Variants in TENM2 observed in about 807,000 individuals in gnomAD.
TENM2 encodes teneurin-2.
A neutral mutation model predicts 245.2 loss-of-function variants in TENM2; 52 were observed. That is an observed-to-expected ratio of 0.21 (90% CI 0.17 to 0.27). TENM2 has a LOEUF of 0.27. Among genes scored for constraint, TENM2 ranks in the 10% least tolerant of loss-of-function variants. TENM2 has a pLI of 1.00. For synonymous variants in TENM2, 1,363 were observed against 1,438.9 expected, an observed-to-expected ratio of 0.95 and a Z score of 1.19; for missense variants, 3,046 against 3,666.8, an observed-to-expected ratio of 0.83 and a Z score of 4.37.
the TENM2 span, among the ~76,000 whole-genome samples, chr5:167,267,142 A>T: frequency 3.3e-5 from 5 of 152,270 alleles, no homozygotes; most frequent in East Asian, 9.7e-4. Context: ...ATAGAATCTG[A>T]CTGACATTTG....
chr5:167,703,146 A>G (rs1383784212), intron 2 of TENM2, among the ~76,000 whole-genome samples: 3 of 152,196 alleles, frequency 2.0e-5, no homozygotes, highest in African/African-American at 7.2e-5. Context: ...TCCATATGCC[A>G]CAATTGCCTC....
intron 5 of TENM2, among the ~76,000 whole-genome samples, chr5:168,022,556 CG>C (rs1205483338): frequency 6.6e-6 from 1 of 152,176 alleles, no homozygotes; most frequent in African/African-American, 2.4e-5. Flanking sequence ...TTCTACCACT[CG>C]GGTTAAGTTT....
chr5:167,083,379 C>T, the TENM2 span, among the ~76,000 whole-genome samples: 198 of 152,208 alleles, frequency 1.3e-3, 1 homozygote, highest in South Asian at 2.1e-3. Flanking sequence ...ACTGCTTCAC[C>T]AACTGCTTGG....
chr5:167,427,764 AGGAAGGACG>A (rs1763947647), intron 2 of TENM2, among the ~76,000 whole-genome samples: 2 of 124,292 alleles, frequency 1.6e-5, no homozygotes, highest in Non-Finnish European at 3.4e-5. Flanking sequence ...AAGGGAAGGA[AGGAAGGACG>A]GGAAGGAAGG....
At chr5:167,291,027 G>A (rs1754603751) in intron 1 of TENM2, among the ~76,000 whole-genome samples, 1 of 152,148 alleles carries the variant, frequency 6.6e-6, no homozygotes, top group Non-Finnish European at 1.5e-5. Flanking sequence ...CTAGGAATAT[G>A]TCTATATTTT....
chr5:167,925,391 C>T (rs574928928), intron 3 of TENM2, among the ~76,000 whole-genome samples: 4 of 152,228 alleles, frequency 2.6e-5, no homozygotes, highest in South Asian at 2.1e-4. Flanking sequence ...GAAAGGGGCA[C>T]GAGGGAACTT....
intron 2 of TENM2, among the ~76,000 whole-genome samples, chr5:167,839,089 T>C (rs1769253993): frequency 1.3e-5 from 2 of 152,204 alleles, no homozygotes; most frequent in African/African-American, 2.4e-5. Context: ...GTATTGTCAT[T>C]GTTATGATTA....
the TENM2 span, among the ~76,000 whole-genome samples, chr5:167,045,352 G>T: frequency 6.6e-6 from 1 of 152,062 alleles, no homozygotes; most frequent in Non-Finnish European, 1.5e-5. Context: ...AAATGAGATG[G>T]TGTCTGTAAA....
At chr5:167,728,623 A>G (rs2150547919) in intron 2 of TENM2, 1 of 152,228 alleles carries the variant, frequency 6.6e-6, no homozygotes, top group African/African-American at 2.4e-5. Context: ...AAATGAATGA[A>G]TGAATGAATG....
intron 2 of TENM2, among the ~76,000 whole-genome samples, chr5:167,478,506 A>T (rs1767544727): frequency 6.6e-6 from 1 of 152,220 alleles, no homozygotes; most frequent in Non-Finnish European, 1.5e-5. Flanking sequence ...CTTCATTAAC[A>T]TATGATAACT....
intron 2 of TENM2, among the ~76,000 whole-genome samples, chr5:167,580,603 G>A (rs1035598470): frequency 5.3e-5 from 8 of 152,240 alleles, no homozygotes; most frequent in Admixed American, 3.9e-4. Context: ...TGCCAGAAAC[G>A]CTGTTACTGC....
chr5:167,088,512 A>G, the TENM2 span, among the ~76,000 whole-genome samples: 3 of 152,028 alleles, frequency 2.0e-5, no homozygotes, highest in Non-Finnish European at 4.4e-5. Flanking sequence ...TTGTAATCCC[A>G]GCTACTCAAG....
At chr5:167,557,107 G>A (rs1304250026) in intron 2 of TENM2, among the ~76,000 whole-genome samples, 2 of 152,200 alleles carry the variant, frequency 1.3e-5, no homozygotes, top group Non-Finnish European at 2.9e-5. Flanking sequence ...AAAAGCGTGT[G>A]TGCGTGTACA....
At chr5:167,105,563 G>T in the TENM2 span, among the ~76,000 whole-genome samples, 1 of 152,258 alleles carries the variant, frequency 6.6e-6, no homozygotes, top group African/African-American at 2.4e-5. Context: ...AAGTAATTAA[G>T]TGTTGTTAGG....
At chr5:167,731,200 GTTTT>G (rs11398245) in intron 2 of TENM2, among the ~76,000 whole-genome samples, 62 of 142,624 alleles carry the variant, frequency 4.3e-4, no homozygotes, top group African/African-American at 1.6e-3. Context: ...CCTCCAGACA[GTTTT>G]TTTTTTTTTT....
chr5:167,390,136 T>G (rs1761667712), intron 2 of TENM2, among the ~76,000 whole-genome samples: 2 of 152,198 alleles, frequency 1.3e-5, no homozygotes, highest in Admixed American at 1.3e-4. Context: ...GCATGCGACT[T>G]ATTTTCTGTG....
intron 12 of TENM2, among the ~76,000 whole-genome samples, chr5:168,142,765 C>T (rs1000072270): frequency 6.6e-6 from 1 of 152,198 alleles, no homozygotes; most frequent in Non-Finnish European, 1.5e-5. Flanking sequence ...CTGACAGAGG[C>T]AACTCCTTTG....
chr5:167,856,600 A>G (rs1771121673), intron 2 of TENM2, among the ~76,000 whole-genome samples: 1 of 152,210 alleles, frequency 6.6e-6, no homozygotes. Context: ...GAATGCAGAA[A>G]AGCAAATGTG....
intron 2 of TENM2, among the ~76,000 whole-genome samples, chr5:167,657,348 G>A (rs1012932655): frequency 6.6e-6 from 1 of 152,128 alleles, no homozygotes; most frequent in Admixed American, 6.5e-5. Context: ...ACTCTATTGT[G>A]TGTATGCACC....
Sources: gnomAD v4.1 joint callset for allele counts (sites outside exome capture counted in the v4.1 genomes callset) on GRCh38, gnomAD v4.1.1 for gene constraint, MANE v1.5 for transcripts, NCBI Gene and HGNC (gene_info 2026-07-23, HGNC 2026-07-21) for gene names.